Variants in ARL5B observed in about 807,000 individuals in gnomAD.
ARL5B encodes the protein ARF like GTPase 5B.
A neutral mutation model predicts 26.9 loss-of-function variants in ARL5B; 10 were observed. The observed-to-expected ratio is 0.37, with a 90% CI of 0.23 to 0.63. ARL5B has a LOEUF of 0.63. ARL5B is among the 30% of genes least tolerant of loss of function. ARL5B has a pLI of 0.62. For missense variants in ARL5B, 167 were observed against 213.9 expected (o/e 0.78, Z 1.37); for synonymous variants, 87 against 70.4 (o/e 1.24, Z -1.18).
chr10:18,676,109 CTCTTT>C lies in ARL5B; in HGVS notation c.*899_*903del, dbSNP rs1242762704. On this transcript the variant is annotated 3_prime_UTR_variant, in exon 6 of 6. Coordinates refer to ENST00000377275, the MANE Select transcript of ARL5B (RefSeq NM_178815.5). ...ACTTTATTATCAACAGAAATTTTAG[CTCTTT>C]TCTTTGCAAGATATATCACAGCTGC... is the stretch of plus-strand genomic sequence containing the variant. 6.6e-6 allele frequency: 1 copy of C among 152,434 alleles called. No individual in the cohort carries two copies. Among genetic ancestry groups the C allele is most frequent in the Non-Finnish European group, 1.5e-5 (1 of 67,910 alleles). The allele number at this position is 152,434 out of a possible 1,614,324, so 9.4% of individuals were successfully genotyped here.
At chr10:18,661,069 G>A (rs1391040361) in intron 1 of ARL5B, among the ~76,000 whole-genome samples, 3 of 152,086 alleles carry the variant, frequency 2.0e-5, no homozygotes, top group Non-Finnish European at 4.4e-5. Context: ...GGCTGGTCTC[G>A]ACCTTCTGAC....
At chr10:18,672,430 C>A (rs563694470) in intron 3 of ARL5B, among the ~76,000 whole-genome samples, 192 bp from the exon 4 acceptor site, 1 of 152,250 alleles carries the variant, frequency 6.6e-6, no homozygotes, top group Non-Finnish European at 1.5e-5. Context: ...TATTTTCTTA[C>A]TGTTAACATT....
chr10:18,660,343 C>T (rs1490953447), intron 1 of ARL5B, among the ~76,000 whole-genome samples: 1 of 152,026 alleles, frequency 6.6e-6, no homozygotes, highest in Non-Finnish European at 1.5e-5. Flanking sequence ...GTCCAAAGGG[C>T]CGAGAAGTTG....
At chr10:18,674,409 C>G (rs547738345) in intron 5 of ARL5B, among the ~76,000 whole-genome samples, 15 of 151,924 alleles carry the variant, frequency 9.9e-5, no homozygotes, top group South Asian at 4.2e-4. Context: ...TCTTTGTTGC[C>G]TTTATCATAT....
chr10:18,674,253 G>T, intron 5 of ARL5B, 118 bp downstream of exon 5: 1 of 964,904 alleles, frequency 1.0e-6, no homozygotes, highest in Non-Finnish European at 1.4e-6. Context: ...CTTAATTAAA[G>T]GTGACTTTTA....
intron 1 of ARL5B, among the ~76,000 whole-genome samples, chr10:18,664,184 C>T (rs184723728): frequency 6.6e-6 from 1 of 151,888 alleles, no homozygotes; most frequent in African/African-American, 2.4e-5. Context: ...GAACTCCTGA[C>T]CTTGTGGTCT....
In ARL5B at chr10:18,673,760, AT is replaced by A. The variant is rs1000019736; in HGVS notation, c.340-213del. On this transcript the variant is annotated intron_variant, in intron 4 of 5. Transcript: ENST00000377275. ...GAGTCAGTATTTAAAATTCAGGTGT[AT>A]TTTTTTTTTTCAGTTTGACCAGTTC... Among the ~76,000 whole-genome samples the A allele has an allele frequency of 4.5e-3, 662 of 146,634 alleles. 2 individuals carry two copies. The highest frequency in any genetic ancestry group is 0.012 in the African/African-American group (480 of 40,200).
Position 18,675,669 on chromosome 10 carries a change from T to A in ARL5B, c.*453T>A, listed in dbSNP as rs970600458. 1.8e-5 allele frequency: 3 copies of A among 164,176 alleles called. No individual in the cohort carries two copies. The highest frequency in any genetic ancestry group is 7.2e-5 in the African/African-American group (3 of 41,664). The allele number at this position is 164,176 out of a possible 1,614,324, so 10.2% of individuals were successfully genotyped here. A position where few individuals can be genotyped will look rare whatever the true frequency, so the allele number is the denominator to read the frequency against. On this transcript the variant is annotated 3_prime_UTR_variant, in exon 6 of 6. Coordinates refer to ENST00000377275, the MANE Select transcript of ARL5B (RefSeq NM_178815.5). ...CTTCTCCAGCACTAAATATATTTGT[T>A]CCCTCTATAAACCATTCATCTTTCG...
At chr10:18,667,138 C>T (rs541030449) in intron 2 of ARL5B, among the ~76,000 whole-genome samples, 11 of 152,314 alleles carry the variant, frequency 7.2e-5, no homozygotes, top group African/African-American at 2.2e-4. Flanking sequence ...ATTTTCACAG[C>T]TCATCATTCC....
At position 18,678,494 on chromosome 10, in the gene ARL5B, T is replaced by A. The variant is rs944037317; in HGVS notation, c.*3278T>A. 1.3e-5 allele frequency: 2 copies of A among 151,924 alleles called. No homozygotes were observed. Among genetic ancestry groups the A allele is most frequent in the African/African-American group, 4.8e-5 (2 of 41,440 alleles). The allele number at this position is 151,924 out of a possible 1,614,324, so 9.4% of individuals were successfully genotyped here. ...ATTTTAAAGAATATAGAAGCTTTTT[T>A]AAAAAATCTTTTTAGTGTAGTTTCT... is the stretch of plus-strand genomic sequence containing the variant. On this transcript the variant is annotated 3_prime_UTR_variant, in exon 6 of 6. Coordinates refer to ENST00000377275, the MANE Select transcript of ARL5B (RefSeq NM_178815.5).
chr10:18,671,640 T>TCTC (rs1251663530), intron 3 of ARL5B, among the ~76,000 whole-genome samples: 1 of 150,748 alleles, frequency 6.6e-6, no homozygotes, highest in Non-Finnish European at 1.5e-5. Context: ...ATCTCCTCCA[T>TCTC]CTCCTCCTCC....
chr10:18,664,500 C>T lies in ARL5B; in HGVS notation c.47-2075C>T, dbSNP rs185085614. 1.1e-4 allele frequency among the ~76,000 whole-genome samples: 16 copies of T among 148,196 alleles called. No individual in the cohort carries two copies. The East Asian group carries it at 2.4e-3, about 22-fold the overall frequency. The stretch of plus-strand genomic sequence containing the variant: ...TTGCCCAGGCTGGAGCACAGTGACC[C>T]GATCTCGGCTCACCGCAAGCTCCGT... On this transcript the variant is annotated intron_variant, in intron 1 of 5. Transcript: ENST00000377275.
At chr10:18,672,176 G>A (rs992902873) in intron 3 of ARL5B, among the ~76,000 whole-genome samples, 2 of 152,092 alleles carry the variant, frequency 1.3e-5, no homozygotes, top group Non-Finnish European at 2.9e-5. Flanking sequence ...TTTCAAACTA[G>A]CTTTTCTTTC....
chr10:18,672,196 G>A (rs1336332107), intron 3 of ARL5B, among the ~76,000 whole-genome samples: 1 of 152,158 alleles, frequency 6.6e-6, no homozygotes, highest in African/African-American at 2.4e-5. Context: ...CTAAGAGTTA[G>A]GAGATTGTGG....
rs1020255611 is a variant in ARL5B at position 18,672,832 on chromosome 10, A to C, written c.339+127A>C. ...TATGATTAACACAACTTTATGTACT[A>C]AACTGATGAAAGTCTTGAGGTAAAA... On this transcript the variant is annotated intron_variant, in intron 4 of 5. Transcript: ENST00000377275. 6.1e-6 allele frequency: 3 copies of C among 490,492 alleles called. No homozygotes were observed. In the East Asian group the frequency reaches 9.6e-5, roughly 16 times the overall value. The allele number at this position is 490,492 out of a possible 1,614,324, so 30.4% of individuals were successfully genotyped here. A position where few individuals can be genotyped will look rare whatever the true frequency, so the allele number is the denominator to read the frequency against.
chr10:18,663,546 CTT>C (rs10645351), intron 1 of ARL5B, among the ~76,000 whole-genome samples: 5 of 97,948 alleles, frequency 5.1e-5, no homozygotes, highest in Non-Finnish European at 9.4e-5. Flanking sequence ...TTATTCTGCT[CTT>C]TTTTTTTTTT....
rs750783693 is a variant in ARL5B at position 18,672,678 on chromosome 10, A to C, written c.312A>C (p.Glu104Asp). ...GGGAACGACTAGCTATTACAAAAGAAGAATTATACAGAATGTTGGCTCATG... is the reference window on the plus strand; with the variant it reads ...GGGAACGACTAGCTATTACAAAAGACGAATTATACAGAATGTTGGCTCATG... ...IDRERLAITKEELYRMLAHED... is the reference protein window; with the variant it reads ...IDRERLAITKDELYRMLAHED... Residue 104 changes from glutamate to aspartate, a missense_variant, in exon 4 of 6, where the codon GAA becomes GAC. By Grantham distance (45) the Glu-to-Asp change is conservative. Transcript: ENST00000377275. The C allele has an allele frequency of 6.2e-7, 1 of 1,609,720 alleles. No individual in the cohort carries two copies. Among genetic ancestry groups the C allele is most frequent in the Non-Finnish European group, 8.5e-7 (1 of 1,177,680 alleles).
chr10:18,665,490 G>A (rs2059857492), intron 1 of ARL5B, among the ~76,000 whole-genome samples: 1 of 152,094 alleles, frequency 6.6e-6, no homozygotes, highest in South Asian at 2.1e-4. Context: ...TAGGTCATTG[G>A]AAGACCTGCA....
intron 3 of ARL5B, among the ~76,000 whole-genome samples, chr10:18,670,145 T>G (rs1369979084): frequency 6.6e-6 from 1 of 152,174 alleles, no homozygotes; most frequent in Non-Finnish European, 1.5e-5. Flanking sequence ...TGTGTATATA[T>G]TCCAATGCAA....
Sources: allele counts gnomAD v4.1 joint callset (sites outside exome capture counted in the v4.1 genomes callset), GRCh38; gene constraint gnomAD v4.1.1; transcripts MANE v1.5; gene names NCBI Gene and HGNC (gene_info 2026-07-23, HGNC 2026-07-21).